The following KHDRBS2 variants were observed in gnomAD, a reference collection of about 807,000 sequenced individuals.
KHDRBS2 encodes the protein KH RNA binding domain containing, signal transduction associated 2.
A neutral mutation model predicts 44.3 loss-of-function variants in KHDRBS2; 26 were observed. The ratio of observed to expected loss-of-function variants is 0.59; its 90% CI spans 0.43 to 0.81. The LOEUF is 0.81. Ranked by LOEUF, KHDRBS2 falls within the 40% of genes least tolerant of loss-of-function variation. The probability of loss-of-function intolerance (pLI) is 0.00; values close to 1 mark genes in which losing one functional copy is unlikely to be tolerated. For synonymous variants in KHDRBS2, 194 were observed against 151.1 expected (o/e 1.28, Z -2.08); for missense variants, 476 against 433.1 (o/e 1.10, Z -0.88).
chr6:61,682,696 CCAT>C (rs906398896), intron 8 of KHDRBS2, among the ~76,000 whole-genome samples: 14 of 151,798 alleles, frequency 9.2e-5, no homozygotes, highest in Admixed American at 9.2e-4. Context: ...GTGCTCTAGA[CCAT>C]GTTGTTTTTG....
intron 4 of KHDRBS2, among the ~76,000 whole-genome samples, chr6:61,935,831 T>C (rs1360568294): frequency 6.6e-6 from 1 of 152,110 alleles, no homozygotes; most frequent in Admixed American, 6.6e-5. Flanking sequence ...CACATCTTTA[T>C]TTTGGGAAAC....
At chr6:61,600,466 C>G in the KHDRBS2 span, among the ~76,000 whole-genome samples, 11 of 152,150 alleles carry the variant, frequency 7.2e-5, no homozygotes, top group African/African-American at 1.7e-4. Context: ...GAACAACCCC[C>G]TTTGACTGTA....
At chr6:61,598,281 A>G in the KHDRBS2 span, among the ~76,000 whole-genome samples, 1 of 151,710 alleles carries the variant, frequency 6.6e-6, no homozygotes, top group African/African-American at 2.4e-5. Context: ...ACCTAAACAA[A>G]TGACTCAAAG....
At chr6:61,560,140 C>T in the KHDRBS2 span, among the ~76,000 whole-genome samples, 1 of 152,090 alleles carries the variant, frequency 6.6e-6, no homozygotes, top group Non-Finnish European at 1.5e-5. Context: ...TCTTTCACAG[C>T]CTGAAAATTC....
Position 62,047,120 on chromosome 6 carries a change from C to T in KHDRBS2, c.336+758G>A, listed in dbSNP as rs1003336938. ...TTAAACATTTCATTCTCCATAATAA[C>T]ATTACCAAGTCACAAAAGTGTGGCC... On this transcript the variant is annotated intron_variant, in intron 3 of 8. Transcript: ENST00000281156. 3.9e-5 allele frequency among the ~76,000 whole-genome samples: 6 copies of T among 151,948 alleles called. No individual in the cohort carries two copies. The East Asian group carries it at 1.2e-3, about 29-fold the overall frequency.
chr6:62,005,308 T>C (rs1375577369), intron 3 of KHDRBS2, among the ~76,000 whole-genome samples: 19 of 152,120 alleles, frequency 1.2e-4, no homozygotes, highest in Admixed American at 1.2e-3. Flanking sequence ...CATGAAAAGA[T>C]GTTATTATTA....
In KHDRBS2 at chr6:62,037,355, T is replaced by C. The variant is rs371132059; in HGVS notation, c.336+10523A>G. Among the ~76,000 whole-genome samples the C allele has an allele frequency of 1.1e-3, 172 of 151,724 alleles. 1 individual carries two copies. The highest frequency in any genetic ancestry group is 3.9e-3 in the African/African-American group (162 of 41,426). On this transcript the variant is annotated intron_variant, in intron 3 of 8. Coordinates refer to ENST00000281156, the MANE Select transcript of KHDRBS2 (RefSeq NM_152688.4). ...GTGAATCTGATATTGACGGTGTTGC[T>C]GAGAAAACAAAAATCTCTCACACAT...
intron 2 of KHDRBS2, among the ~76,000 whole-genome samples, chr6:62,149,764 T>G (rs1302690632): frequency 6.6e-6 from 1 of 152,170 alleles, no homozygotes; most frequent in Non-Finnish European, 1.5e-5. Flanking sequence ...GAAGGAAAGA[T>G]TGTTTGAAAA....
chr6:61,848,531 A>ATG (rs1794882617), intron 6 of KHDRBS2, among the ~76,000 whole-genome samples: 1 of 52,968 alleles, frequency 1.9e-5, no homozygotes, highest in Non-Finnish European at 3.4e-5. Context: ...ATATATATAT[A>ATG]CATATATATG....
chr6:61,878,234 T>C (rs1799719290), intron 6 of KHDRBS2, among the ~76,000 whole-genome samples: 1 of 151,964 alleles, frequency 6.6e-6, no homozygotes, highest in African/African-American at 2.4e-5. Flanking sequence ...GTACAGCTTT[T>C]CTCAGATATC....
chr6:61,839,599 G>A (rs1433426268), intron 6 of KHDRBS2, among the ~76,000 whole-genome samples: 2 of 152,018 alleles, frequency 1.3e-5, no homozygotes, highest in Non-Finnish European at 2.9e-5. Context: ...TTTACTTTAT[G>A]TTTTTGGCTT....
chr6:61,973,359 C>A (rs553852178), intron 4 of KHDRBS2, among the ~76,000 whole-genome samples: 118 of 152,192 alleles, frequency 7.8e-4, no homozygotes, highest in Middle Eastern at 3.4e-3. Context: ...TAATCAGTGA[C>A]ATTTTCCAAT....
chr6:61,686,322 G>A (rs1766808862), intron 8 of KHDRBS2, among the ~76,000 whole-genome samples: 1 of 151,658 alleles, frequency 6.6e-6, no homozygotes, highest in Non-Finnish European at 1.5e-5. Context: ...TCATATAATG[G>A]CATTACGACA....
At chr6:61,696,426 G>A (rs1767912827) in intron 8 of KHDRBS2, among the ~76,000 whole-genome samples, 1 of 151,158 alleles carries the variant, frequency 6.6e-6, no homozygotes, top group South Asian at 2.1e-4. Context: ...CAGCTAATTT[G>A]TTTTGTATTT....
At chr6:61,631,305 CAAAAAAAAAAA>C in the KHDRBS2 span, among the ~76,000 whole-genome samples, 13 of 66,992 alleles carry the variant, frequency 1.9e-4, no homozygotes, top group South Asian at 3.4e-3. Flanking sequence ...ACGAATAAGC[CAAAAAAAAAAA>C]AAAAAAAAAA....
chr6:61,829,019 C>A (rs1320105048), intron 6 of KHDRBS2, among the ~76,000 whole-genome samples: 1 of 152,192 alleles, frequency 6.6e-6, no homozygotes, highest in Non-Finnish European at 1.5e-5. Context: ...TTTATGCAGC[C>A]TTTAACTCCA....
intron 1 of KHDRBS2, among the ~76,000 whole-genome samples, chr6:62,233,072 T>C (rs542907672): frequency 6.6e-6 from 1 of 152,192 alleles, no homozygotes; most frequent in South Asian, 2.1e-4. Flanking sequence ...GCTTGGAAAA[T>C]GTCACATAAA....
At chr6:61,849,386 C>A (rs941507586) in intron 6 of KHDRBS2, among the ~76,000 whole-genome samples, 13 of 152,004 alleles carry the variant, frequency 8.6e-5, no homozygotes, top group African/African-American at 3.1e-4. Flanking sequence ...ATTAACAGAA[C>A]AATTTATATT....
chr6:62,061,129 T>C lies in KHDRBS2; in HGVS notation c.220-13135A>G, dbSNP rs1791736730. On this transcript the variant is annotated intron_variant, in intron 2 of 8. Coordinates refer to ENST00000281156, the MANE Select transcript of KHDRBS2 (RefSeq NM_152688.4). ...TGATGGGTCTTGACTCTTTATCCAA[T>C]TTGCCAGTCTGTGTCTTTTAATTGG... Among the ~76,000 whole-genome samples, 7 of 151,936 alleles carry C rather than the reference T, an allele frequency of 4.6e-5. 1 individual carries two copies. In the South Asian group the frequency reaches 1.4e-3, roughly 31 times the overall value.
Sources: allele counts gnomAD v4.1 joint callset (sites outside exome capture counted in the v4.1 genomes callset), GRCh38; gene constraint gnomAD v4.1.1; transcripts MANE v1.5; gene names NCBI Gene and HGNC (gene_info 2026-07-23, HGNC 2026-07-21).